The following EFR3A variants were observed in gnomAD, a reference collection of about 807,000 sequenced individuals.
The protein encoded by EFR3A is protein EFR3 homolog A.
Under a neutral mutation model 104.4 loss-of-function variants are expected in EFR3A, and 76 were observed. The ratio of observed to expected loss-of-function variants is 0.73; its 90% CI spans 0.60 to 0.88. EFR3A has a LOEUF of 0.88. Among genes scored for constraint, EFR3A ranks in the 40% least tolerant of loss-of-function variants. The probability of loss-of-function intolerance (pLI) is 0.00; values close to 1 mark genes in which losing one functional copy is unlikely to be tolerated. For synonymous variants in EFR3A, 330 were observed against 330.0 expected (o/e 1.00, Z 0.00); for missense variants, 985 against 1,012.5 (o/e 0.97, Z 0.37).
chr8:131,998,603 CT>C (rs1213030200), intron 19 of EFR3A, among the ~76,000 whole-genome samples: 1 of 151,888 alleles, frequency 6.6e-6, no homozygotes, highest in Non-Finnish European at 1.5e-5. Context: ...ATTTGGTGAA[CT>C]TTTTCTAAAA....
intron 22 of EFR3A, among the ~76,000 whole-genome samples, chr8:132,005,261 G>A (rs780596789): frequency 3.9e-5 from 6 of 152,204 alleles, no homozygotes; most frequent in Non-Finnish European, 7.4e-5. Flanking sequence ...TGTCTTCAGA[G>A]TTTTCAGGTC....
intron 5 of EFR3A, among the ~76,000 whole-genome samples, chr8:131,953,400 G>A (rs1335811829): frequency 1.3e-5 from 2 of 152,036 alleles, no homozygotes; most frequent in Non-Finnish European, 2.9e-5. Context: ...AGGGCTGTTA[G>A]GGAGGAACAG....
chr8:132,010,407 G>GATATATATATATATGTATAT (rs1822273981), intron 22 of EFR3A, among the ~76,000 whole-genome samples: 2 of 81,880 alleles, frequency 2.4e-5, no homozygotes, highest in Admixed American at 1.3e-4. Flanking sequence ...TCAAGTATGA[G>GATATATATATATATGTATAT]ATATATATAT....
chr8:131,999,191 A>G (rs573784938), intron 19 of EFR3A, among the ~76,000 whole-genome samples: 2 of 152,292 alleles, frequency 1.3e-5, no homozygotes, highest in African/African-American at 4.8e-5. Flanking sequence ...TTGATATAAA[A>G]TTAAGTCACT....
intron 5 of EFR3A, among the ~76,000 whole-genome samples, chr8:131,951,637 T>C (rs1391377359): frequency 6.6e-6 from 1 of 152,116 alleles, no homozygotes; most frequent in Non-Finnish European, 1.5e-5. Context: ...AAATATCTTG[T>C]CTTTTGAATA....
intron 15 of EFR3A, 101 bp downstream of exon 15, chr8:131,984,401 G>T: frequency 1.7e-6 from 2 of 1,151,352 alleles, no homozygotes; most frequent in East Asian, 2.5e-5. Context: ...TTAAAAGGGA[G>T]GTATCTAGTT....
intron 8 of EFR3A, among the ~76,000 whole-genome samples, chr8:131,965,701 C>G (rs1391209183): frequency 6.6e-6 from 1 of 151,922 alleles, no homozygotes; most frequent in Non-Finnish European, 1.5e-5. Flanking sequence ...CCCAGCCATC[C>G]CATTACTGGG....
chr8:131,981,042 TATAC>T (rs771737005), intron 14 of EFR3A, among the ~76,000 whole-genome samples: 5,045 of 69,648 alleles, frequency 0.072, 156 homozygotes, highest in African/African-American at 0.15. Context: ...TATATATATA[TATAC>T]ACACACTACA....
intron 1 of EFR3A, among the ~76,000 whole-genome samples, chr8:131,907,751 C>T (rs529670356): frequency 2.6e-4 from 40 of 152,174 alleles, no homozygotes; most frequent in African/African-American, 9.4e-4. Flanking sequence ...TGTGTTCATT[C>T]ATATTCTCAT....
At chr8:131,974,360 G>A (rs1820218187) in intron 10 of EFR3A, among the ~76,000 whole-genome samples, 1 of 152,194 alleles carries the variant, frequency 6.6e-6, no homozygotes, top group Non-Finnish European at 1.5e-5. Context: ...AACTTTTACT[G>A]TAGTTAGGTG....
chr8:131,934,028 G>C (rs1330938556), intron 1 of EFR3A, among the ~76,000 whole-genome samples: 2 of 152,130 alleles, frequency 1.3e-5, no homozygotes, highest in Non-Finnish European at 2.9e-5. Context: ...AATGAAAGGA[G>C]AGAAGGTATA....
intron 14 of EFR3A, among the ~76,000 whole-genome samples, chr8:131,982,699 T>C (rs1294762092): frequency 6.6e-6 from 1 of 152,200 alleles, no homozygotes; most frequent in South Asian, 2.1e-4. Context: ...GTCTAAATTA[T>C]CACGTATGTA....
rs760923590 is a variant in EFR3A, at chr8:132,001,811, A to G, written c.2206+4A>G. ...GAAGCATTGAAGAAAGCAATTGGTG[A>G]GATATTTTGCACTTGTTAGTACTAC... On this transcript the variant is annotated splice_donor_region_variant and intron_variant, in intron 20 of 22. Transcript: ENST00000254624. The G allele has an allele frequency of 1.2e-6, 2 of 1,612,712 alleles. No individual in the cohort carries two copies. The highest frequency in any genetic ancestry group is 3.3e-5 in the Admixed American group (2 of 60,008).
At chr8:132,007,666 T>C (rs1343213833) in intron 22 of EFR3A, among the ~76,000 whole-genome samples, 1 of 151,906 alleles carries the variant, frequency 6.6e-6, no homozygotes. Flanking sequence ...CTAAACAGTT[T>C]TGAAAAGGAA....
intron 2 of EFR3A, 76 bp downstream of exon 2, chr8:131,940,651 C>A: frequency 6.6e-7 from 1 of 1,508,188 alleles, no homozygotes; most frequent in East Asian, 2.5e-5. Flanking sequence ...TAAGGTTTCC[C>A]TAATTTCATT....
intron 1 of EFR3A, among the ~76,000 whole-genome samples, chr8:131,927,432 A>G (rs1817356615): frequency 6.6e-6 from 1 of 152,162 alleles, no homozygotes. Flanking sequence ...CCTCTAGGTT[A>G]CTGTTCCCCA....
At chr8:131,997,037 G>A (rs1414451443) in intron 19 of EFR3A, among the ~76,000 whole-genome samples, 2 of 152,148 alleles carry the variant, frequency 1.3e-5, no homozygotes, top group Non-Finnish European at 1.5e-5. Flanking sequence ...TGTAAGGACT[G>A]TGGCTTATTT....
chr8:131,973,279 G>A (rs1482446022), intron 10 of EFR3A, among the ~76,000 whole-genome samples: 1 of 151,754 alleles, frequency 6.6e-6, no homozygotes, highest in African/African-American at 2.4e-5. Context: ...CGCTTCTGTG[G>A]TGACTTTCAC....
At chr8:131,979,672 C>G (rs1820509575) in intron 14 of EFR3A, among the ~76,000 whole-genome samples, 2 of 152,094 alleles carry the variant, frequency 1.3e-5, no homozygotes, top group South Asian at 4.1e-4. Flanking sequence ...AAATGTCTTC[C>G]TATAATTCTT....
Sources: allele counts gnomAD v4.1 joint callset (sites outside exome capture counted in the v4.1 genomes callset), GRCh38; gene constraint gnomAD v4.1.1; transcripts MANE v1.5; gene names NCBI Gene and HGNC (gene_info 2026-07-23, HGNC 2026-07-21).